USP30: variants seen among roughly 807,000 people sequenced by gnomAD.
USP30 encodes ubiquitin specific peptidase 30, also known as ubiquitin carboxyl-terminal hydrolase 30.
Under a neutral mutation model 68.2 loss-of-function variants are expected in USP30, and 41 were observed. That is an observed-to-expected ratio of 0.60 (90% CI 0.47 to 0.78). The LOEUF is 0.78. Ranked by LOEUF, USP30 falls within the 30% of genes least tolerant of loss-of-function variation. USP30 has a pLI of 0.00. For missense variants in USP30, 522 were observed against 649.4 expected (o/e 0.80, Z 2.13); for synonymous variants, 229 against 253.7 (o/e 0.90, Z 0.93).
intron 6 of USP30, 71 bp from the exon 7 acceptor site, chr12:109,073,367 A>G: frequency 9.4e-7 from 1 of 1,066,680 alleles, no homozygotes; most frequent in Non-Finnish European, 1.4e-6. Flanking sequence ...ACATGCTAGA[A>G]AGGAAGATGA....
chr12:109,040,212 G>A (rs1456806288), intron 3 of USP30, among the ~76,000 whole-genome samples: 1 of 152,080 alleles, frequency 6.6e-6, no homozygotes, highest in Non-Finnish European at 1.5e-5. Context: ...AATACCTGAA[G>A]TTTGGGGAAA....
chr12:109,055,057 A>G (rs1362463159), intron 1 of USP30, among the ~76,000 whole-genome samples: 1 of 152,064 alleles, frequency 6.6e-6, no homozygotes, highest in African/African-American at 2.4e-5. Flanking sequence ...CATGTGTAAC[A>G]TATATGCAGA....
chr12:109,031,291 C>G (rs372667971), intron 3 of USP30, among the ~76,000 whole-genome samples: 1 of 152,202 alleles, frequency 6.6e-6, no homozygotes, highest in Non-Finnish European at 1.5e-5. Flanking sequence ...TTCATTCAAA[C>G]TCTACACATG....
Position 109,081,959 on chromosome 12 carries a change from C to T in USP30, c.807C>T (p.Cys269=), listed in dbSNP as rs756934064. 4 of 1,614,094 alleles carry T rather than the reference C, an allele frequency of 2.5e-6. No homozygotes were observed. The South Asian group carries it at 4.4e-5, about 18-fold the overall frequency. ...GTCACCCATTGACCCTGGACCACTG[C>T]CTTCACCACTTCATCTCATCAGAAT... ...TWGHPLTLDH[C]LHHFISSESV... Residue 269 remains cysteine (C), a synonymous_variant, in exon 9 of 13, where the codon TGC becomes TGT. Transcript: ENST00000257548.
rs191346476 is a variant in USP30 at position 109,062,672 on chromosome 12, G to A, written c.376+4564G>A. ...GTATTGGTCTTATAGTTTGTCTTCT[G>A]TGAATTGCTAGTTTATATCCTTTGC... On this transcript the variant is annotated intron_variant, in intron 3 of 12. Transcript: ENST00000257548. Among the ~76,000 whole-genome samples, 7 of 152,134 alleles carry A rather than the reference G, an allele frequency of 4.6e-5. No individual in the cohort carries two copies. In the East Asian group the frequency reaches 1.4e-3, roughly 29 times the overall value.
chr12:109,081,557 G>A, intron 8 of USP30, 164 bp downstream of exon 8: 1 of 762,884 alleles, frequency 1.3e-6, no homozygotes, highest in South Asian at 1.8e-5. Context: ...TGGGAGAGAG[G>A]AAAATGAATC....
chr12:109,084,179 GATC>G (rs2041882747), intron 11 of USP30, among the ~76,000 whole-genome samples: 1 of 152,142 alleles, frequency 6.6e-6, no homozygotes, highest in African/African-American at 2.4e-5. Flanking sequence ...AGTGAGCTGT[GATC>G]ACACCACTGT....
At chr12:109,065,710 C>T (rs1237105855) in intron 3 of USP30, among the ~76,000 whole-genome samples, 2 of 152,228 alleles carry the variant, frequency 1.3e-5, no homozygotes, top group East Asian at 1.9e-4. Flanking sequence ...CCAGTCCATT[C>T]AGCCTAGGTT....
chr12:109,040,762 T>A (rs1215772455), intron 3 of USP30, among the ~76,000 whole-genome samples: 2 of 152,244 alleles, frequency 1.3e-5, no homozygotes, highest in Non-Finnish European at 2.9e-5. Context: ...ACATGGTGAC[T>A]GGCTTTTCCC....
intron 7 of USP30, among the ~76,000 whole-genome samples, chr12:109,077,874 T>C (rs2041660068): frequency 6.6e-6 from 1 of 152,120 alleles, no homozygotes; most frequent in Admixed American, 6.6e-5. Flanking sequence ...TTTTACCTTA[T>C]CACATTCTAT....
chr12:109,081,623 G>GCGCGCACACACACACACA (rs886662557), intron 8 of USP30: 8 of 500,534 alleles, frequency 1.6e-5, no homozygotes, highest in African/African-American at 1.2e-4. Context: ...ACGCATGCGC[G>GCGCGCACACACACACACA]CACACACACA....
chr12:109,024,763 G>A (rs1274005395), intron 1 of USP30: 1 of 152,182 alleles, frequency 6.6e-6, no homozygotes, highest in Non-Finnish European at 1.5e-5. Flanking sequence ...GGGACTACAG[G>A]CGCCCACCAC....
At chr12:109,038,641 G>A (rs952991364) in intron 3 of USP30, among the ~76,000 whole-genome samples, 10 of 152,118 alleles carry the variant, frequency 6.6e-5, no homozygotes, top group African/African-American at 2.4e-4. Flanking sequence ...ACCTAGAAGA[G>A]GAATGGTTGG....
intron 3 of USP30, among the ~76,000 whole-genome samples, chr12:109,032,004 A>C (rs1239607617): frequency 6.6e-6 from 1 of 151,886 alleles, no homozygotes. Flanking sequence ...TGGGAGACTA[A>C]GGTAGGAGGA....
At chr12:109,082,134 C>T in intron 9 of USP30, 115 bp downstream of exon 9, 1 of 1,057,526 alleles carries the variant, frequency 9.5e-7, no homozygotes, top group Non-Finnish European at 1.4e-6. Flanking sequence ...TTTTCAGCCA[C>T]TTCTACTTCT....
chr12:109,037,787 C>T (rs1237045242), intron 3 of USP30, among the ~76,000 whole-genome samples: 1 of 152,106 alleles, frequency 6.6e-6, no homozygotes, highest in African/African-American at 2.4e-5. Flanking sequence ...TGTTGGGGTA[C>T]ACCTTCAACA....
At chr12:109,072,400 TATG>T (rs766607836) in intron 6 of USP30, 50 bp downstream of exon 6, 3 of 1,564,724 alleles carry the variant, frequency 1.9e-6, no homozygotes, top group African/African-American at 2.7e-5. Context: ...ACTTTTAAGA[TATG>T]ATAATAATTT....
At chr12:109,055,400 A>ATATTTTTTT (rs1298811530) in intron 1 of USP30, among the ~76,000 whole-genome samples, 6 of 24,474 alleles carry the variant, frequency 2.5e-4, no homozygotes, top group Admixed American at 7.5e-4. Flanking sequence ...ATATATATAT[A>ATATTTTTTT]TTTTTTTTTT....
intron 3 of USP30, among the ~76,000 whole-genome samples, chr12:109,046,388 C>T (rs1433264899): frequency 1.4e-4 from 21 of 150,784 alleles, no homozygotes; most frequent in Admixed American, 2.7e-4. Context: ...GCTGGGATTA[C>T]GGGCGTGAGC....
Sources: allele counts gnomAD v4.1 joint callset (sites outside exome capture counted in the v4.1 genomes callset), GRCh38; gene constraint gnomAD v4.1.1; transcripts MANE v1.5; gene names NCBI Gene and HGNC (gene_info 2026-07-23, HGNC 2026-07-21).